AR: variants seen among roughly 807,000 people sequenced by gnomAD.
AR encodes the protein androgen receptor, also known as dihydrotestosterone receptor.
In AR, 8 loss-of-function variants were observed where a neutral mutation model predicts 53.9. The observed-to-expected ratio is 0.15, with a 90% confidence interval of 0.09 to 0.27. AR has a LOEUF of 0.27. Among genes scored for constraint, AR ranks in the 10% least tolerant of loss-of-function variants. The probability of loss-of-function intolerance (pLI) is 1.00; values close to 1 mark genes in which losing one functional copy is unlikely to be tolerated. For missense variants in AR, 639 were observed against 742.5 expected (o/e 0.86, Z 1.62); for synonymous variants, 359 against 316.4 (o/e 1.13, Z -1.43).
chrX:67,701,553 A>T (rs1298923782), intron 3 of AR, among the ~76,000 whole-genome samples: 1 of 111,865 alleles, frequency 8.9e-6, no homozygotes, highest in South Asian at 3.7e-4. Context: ...AGTTTCAGGA[A>T]TTTTTTAAAA....
intron 1 of AR, among the ~76,000 whole-genome samples, chrX:67,635,116 T>C (rs779905322): frequency 9.1e-6 from 1 of 110,050 alleles, no homozygotes; most frequent in East Asian, 2.9e-4. Flanking sequence ...CTCTTTTTTA[T>C]TTTTAGGATA....
intron 3 of AR, among the ~76,000 whole-genome samples, chrX:67,694,313 C>T (rs1160356064): frequency 1.8e-5 from 2 of 110,270 alleles, no homozygotes; most frequent in East Asian, 5.7e-4. Flanking sequence ...TACCTCCCTT[C>T]TCTTCTCCTA....
chrX:67,689,532 C>A, intron 3 of AR: 1 of 953,276 alleles, frequency 1.0e-6, no homozygotes, highest in Non-Finnish European at 1.3e-6. Flanking sequence ...GGCCTACCTA[C>A]CTGTTTCTTG....
chrX:67,624,092 C>G (rs1223740835), intron 1 of AR, among the ~76,000 whole-genome samples: 4 of 110,965 alleles, frequency 3.6e-5, no homozygotes, highest in Non-Finnish European at 7.6e-5. Flanking sequence ...CATCAGCTCT[C>G]ATGACAACTC....
intron 2 of AR, among the ~76,000 whole-genome samples, chrX:67,664,591 C>T (rs1354611651): frequency 8.9e-6 from 1 of 112,184 alleles, no homozygotes; most frequent in African/African-American, 3.2e-5. Flanking sequence ...GCAGTCTGTC[C>T]GTTCTCAGAT....
chrX:67,552,141 A>G (rs1166230832), intron 1 of AR, among the ~76,000 whole-genome samples: 1 of 111,821 alleles, frequency 8.9e-6, no homozygotes, highest in Non-Finnish European at 1.9e-5. Flanking sequence ...AGAACATTTT[A>G]ATCACCCCCA....
At chrX:67,687,522 G>A (rs192325864) in intron 3 of AR, among the ~76,000 whole-genome samples, 1 of 111,950 alleles carries the variant, frequency 8.9e-6, no homozygotes, top group African/African-American at 3.2e-5. Flanking sequence ...CCTTGTTTTG[G>A]TTTGCTTGGT....
intron 1 of AR, among the ~76,000 whole-genome samples, chrX:67,611,347 C>CA (rs1428675908): frequency 9.1e-6 from 1 of 110,405 alleles, no homozygotes; most frequent in Non-Finnish European, 1.9e-5. Context: ...TTTTTTTGGC[C>CA]ATTTATGTTT....
Position 67,728,847 on chromosome X carries a change from A to T in AR, c.*5006A>T, listed in dbSNP as rs746376526. 6.0e-6 allele frequency: 1 copy of T among 165,817 alleles called. No individual in the cohort carries two copies. The highest frequency in any genetic ancestry group is 1.2e-5 in the Non-Finnish European group (1 of 86,937). 13.7% of individuals were successfully genotyped at this position (165,817 alleles called of 1,213,427 possible). On this transcript the variant is annotated 3_prime_UTR_variant, in exon 8 of 8. Coordinates refer to ENST00000374690, the MANE Select transcript of AR (RefSeq NM_000044.6). Reference sequence around the variant, plus strand: ...GGATAAAAAGAGTAGAGGACATGATACATTGTACTTTACTAGTTCAAGACA... The same window carrying T: ...GGATAAAAAGAGTAGAGGACATGATTCATTGTACTTTACTAGTTCAAGACA...
At chrX:67,612,093 A>C (rs1178747984) in intron 1 of AR, among the ~76,000 whole-genome samples, 2 of 112,311 alleles carry the variant, frequency 1.8e-5, no homozygotes, top group African/African-American at 6.5e-5. Flanking sequence ...GAGCATATTC[A>C]TTTGTGTTTT....
rs1406898593 is a variant in AR at position 67,724,184 on chromosome X, C to G, written c.*343C>G. 1 of 222,689 alleles carries G rather than the reference C, an allele frequency of 4.5e-6. No individual in the cohort carries two copies. Among genetic ancestry groups the G allele is most frequent in the South Asian group, 1.9e-4 (1 of 5,157 alleles). 18.4% of individuals were successfully genotyped at this position (222,689 alleles called of 1,213,427 possible). On this transcript the variant is annotated 3_prime_UTR_variant, in exon 8 of 8. Transcript: ENST00000374690. ...AGTTGTGCTTGTTTACAGCACTACTCTGTGCCAGCCACACAAACGTTTACT... is the reference window on the plus strand; with the variant it reads ...AGTTGTGCTTGTTTACAGCACTACTGTGTGCCAGCCACACAAACGTTTACT...
At chrX:67,571,372 T>C (rs1029119469) in intron 1 of AR, among the ~76,000 whole-genome samples, 1 of 111,473 alleles carries the variant, frequency 9.0e-6, no homozygotes. Flanking sequence ...CTGTGGTGCT[T>C]AATGGGCGCA....
At chrX:67,703,070 C>T (rs2076049321) in intron 3 of AR, among the ~76,000 whole-genome samples, 1 of 111,000 alleles carries the variant, frequency 9.0e-6, no homozygotes, top group African/African-American at 3.3e-5. Context: ...GAGGAAGATC[C>T]TCCTTCAAAA....
chrX:67,695,532 C>G (rs2076015618), intron 3 of AR: 1 of 753,854 alleles, frequency 1.3e-6, no homozygotes, highest in Non-Finnish European at 1.6e-6. Flanking sequence ...AAGCCAGACT[C>G]AAATATTGTA....
chrX:67,666,129 C>T (rs1381847108), intron 2 of AR, among the ~76,000 whole-genome samples: 1 of 110,866 alleles, frequency 9.0e-6, no homozygotes, highest in Non-Finnish European at 1.9e-5. Context: ...ACTGCAGTCA[C>T]CCTGTTGAGC....
intron 1 of AR, among the ~76,000 whole-genome samples, chrX:67,572,658 C>T (rs1292362595): frequency 1.8e-5 from 2 of 110,885 alleles, no homozygotes; most frequent in African/African-American, 3.3e-5. Flanking sequence ...CTATCAATTC[C>T]GTTTTTTTCT....
At chrX:67,705,362 G>T (rs189329885) in intron 3 of AR, among the ~76,000 whole-genome samples, 1 of 110,980 alleles carries the variant, frequency 9.0e-6, no homozygotes, top group East Asian at 2.8e-4. Flanking sequence ...GGTCCTTCAC[G>T]TCCCTTGTAA....
At chrX:67,587,348 C>T (rs1922597180) in intron 1 of AR, among the ~76,000 whole-genome samples, 1 of 112,613 alleles carries the variant, frequency 8.9e-6, no homozygotes, top group Non-Finnish European at 1.9e-5. Flanking sequence ...ATTTATTTGG[C>T]TATCCATATG....
chrX:67,713,830 G>T (rs1231609407), intron 4 of AR, among the ~76,000 whole-genome samples: 1 of 111,796 alleles, frequency 8.9e-6, no homozygotes, highest in Non-Finnish European at 1.9e-5. Context: ...GCCAATATCA[G>T]TTCACCATCT....
Sources: gnomAD v4.1 joint callset for allele counts (sites outside exome capture counted in the v4.1 genomes callset) on GRCh38, gnomAD v4.1.1 for gene constraint, MANE v1.5 for transcripts, NCBI Gene and HGNC (gene_info 2026-07-23, HGNC 2026-07-21) for gene names.